The following STK11 variants were observed in gnomAD, a reference collection of about 807,000 sequenced individuals.
STK11 encodes serine/threonine kinase 11, also known as serine/threonine-protein kinase STK11.
Under a neutral mutation model 47.3 loss-of-function variants are expected in STK11, and 8 were observed. The ratio of observed to expected loss-of-function variants is 0.17; its 90% CI spans 0.10 to 0.31. STK11 has a LOEUF of 0.31. STK11 is among the 10% of genes least tolerant of loss of function. The pLI is 1.00. For missense variants in STK11, 475 were observed against 605.0 expected, an observed-to-expected ratio of 0.79 and a Z score of 2.25; for synonymous variants, 330 against 255.8, an observed-to-expected ratio of 1.29 and a Z score of -2.77.
In STK11 at chr19:1,228,202, G is replaced by A; in HGVS notation, c.*626G>A. On this transcript the variant is annotated 3_prime_UTR_variant, in exon 10 of 10. Transcript: ENST00000326873. ...GCTCTCGGGTCACCCTGCTTTGGCG[G>A]CCCGGCCGGAGGGCAGGACCCTCAC... 1.0e-6 allele frequency: 1 copy of A among 991,180 alleles called. No homozygotes were observed. The highest frequency in any genetic ancestry group is 1.2e-6 in the Non-Finnish European group (1 of 811,560). 61.4% of individuals were successfully genotyped at this position (991,180 alleles called of 1,614,324 possible). A position where few individuals can be genotyped will look rare whatever the true frequency, so the allele number is the denominator to read the frequency against.
In STK11 at chr19:1,206,836, G is replaced by A. The variant is rs2145404030; in HGVS notation, c.-78G>A. ...TTTTCTTTGTAAAATTTTGGAGAAGGGAAGTCGGAACACAAGGAAGGACCG... is the reference window on the plus strand; with the variant it reads ...TTTTCTTTGTAAAATTTTGGAGAAGAGAAGTCGGAACACAAGGAAGGACCG... On this transcript the variant is annotated 5_prime_UTR_variant, in exon 1 of 10. Transcript: ENST00000326873. 3 of 1,455,314 alleles carry A rather than the reference G, an allele frequency of 2.1e-6. No homozygotes were observed. Among genetic ancestry groups the A allele is most frequent in the Non-Finnish European group, 2.7e-6 (3 of 1,096,816 alleles). The allele number at this position is 1,455,314 out of a possible 1,614,324, so 90.2% of individuals were successfully genotyped here.
intron 8 of STK11, chr19:1,225,389 C>T (rs2145434326): frequency 1.2e-6 from 1 of 831,760 alleles, no homozygotes; most frequent in Non-Finnish European, 1.4e-6. Context: ...TCTGCCTCAG[C>T]CTCCTGAGTA....
rs1481762772 is a variant in STK11, at chr19:1,228,291, C to T, written c.*715C>T. The T allele has an allele frequency of 1.4e-5, 4 of 281,098 alleles. No individual in the cohort carries two copies. Among genetic ancestry groups the T allele is most frequent in the Non-Finnish European group, 1.8e-5 (3 of 162,308 alleles). The allele number at this position is 281,098 out of a possible 1,614,324, so 17.4% of individuals were successfully genotyped here. ...AAAACCCGGAGCAAGCAGGAGTGTGCGGTCAATATTTATATCATCCAGAAA... is the reference window on the plus strand; with the variant it reads ...AAAACCCGGAGCAAGCAGGAGTGTGTGGTCAATATTTATATCATCCAGAAA... On this transcript the variant is annotated 3_prime_UTR_variant, in exon 10 of 10. Coordinates refer to ENST00000326873, the MANE Select transcript of STK11 (RefSeq NM_000455.5).
intron 1 of STK11, among the ~76,000 whole-genome samples, chr19:1,211,875 A>C (rs905198824): frequency 6.6e-6 from 1 of 152,212 alleles, no homozygotes; most frequent in African/African-American, 2.4e-5. Flanking sequence ...GCTGGGAGTC[A>C]GTCCTGGACT....
At chr19:1,222,341 C>T (rs1172740126) in intron 7 of STK11, among the ~76,000 whole-genome samples, 1 of 152,216 alleles carries the variant, frequency 6.6e-6, no homozygotes, top group African/African-American at 2.4e-5. Context: ...CTCCCAGCAG[C>T]AGGGTGTGGC....
chr19:1,220,825 C>T (rs951234289), intron 5 of STK11, 108 bp downstream of exon 5: 9 of 1,462,938 alleles, frequency 6.2e-6, no homozygotes, highest in South Asian at 4.1e-5. Flanking sequence ...CCGGCCCAGA[C>T]CCTCTCTGGC....
intron 2 of STK11, among the ~76,000 whole-genome samples, chr19:1,218,718 G>C (rs777327060): frequency 6.6e-6 from 1 of 152,192 alleles, no homozygotes; most frequent in African/African-American, 2.4e-5. Context: ...TCTTGGGCCC[G>C]TGGGGTGTCA....
intron 8 of STK11, chr19:1,225,417 G>A (rs578222710): frequency 1.1e-4 from 86 of 769,896 alleles, no homozygotes; most frequent in Middle Eastern, 6.6e-4. Flanking sequence ...TTACAAGTGC[G>A]CGCCAGCATG....
At chr19:1,225,073 G>C in intron 8 of STK11, 1 of 986,042 alleles carries the variant, frequency 1.0e-6, no homozygotes, top group Non-Finnish European at 1.2e-6. Flanking sequence ...CCAACACCCA[G>C]ATCCCAGGGA....
chr19:1,226,556 C>T lies in STK11; in HGVS notation c.1211C>T (p.Ser404Phe), dbSNP rs200078204. The change falls in exon 9 of 10, where the codon TCC becomes TTC. Residue 404 changes from serine (S) to phenylalanine (F), a missense_variant. By Grantham distance (155) the Ser-to-Phe change is radical (BLOSUM62 -2). Transcript: ENST00000326873. ...GAGGCGGCGCAGCTGAGCACCAAATCCAGGGCGGAGGGCCGGGCCCCCAAC... is the reference window on the plus strand; with the variant it reads ...GAGGCGGCGCAGCTGAGCACCAAATTCAGGGCGGAGGGCCGGGCCCCCAAC... ...GTEAAQLSTK[S>F]RAEGRAPNPA... is the part of the protein sequence containing the mutation. 1,241 of 1,599,480 alleles carry T rather than the reference C, an allele frequency of 7.8e-4. 1 individual carries two copies. Among genetic ancestry groups the T allele is most frequent in the Middle Eastern group, 1.5e-3 (9 of 5,942 alleles).
intron 1 of STK11, among the ~76,000 whole-genome samples, chr19:1,215,603 T>G (rs1343552595): frequency 6.6e-6 from 1 of 152,232 alleles, no homozygotes; most frequent in Non-Finnish European, 1.5e-5. Context: ...CTTGGCCTTC[T>G]GAGGTTGCCC....
intron 1 of STK11, 51 bp downstream of exon 1, chr19:1,207,254 G>T: frequency 6.5e-7 from 1 of 1,545,756 alleles, no homozygotes; most frequent in Non-Finnish European, 8.7e-7. Flanking sequence ...TCACGGTGCT[G>T]ATGGTTCTGT....
chr19:1,210,623 A>G (rs2080703144), intron 1 of STK11, among the ~76,000 whole-genome samples: 1 of 152,258 alleles, frequency 6.6e-6, no homozygotes, highest in South Asian at 2.1e-4. Flanking sequence ...TAATCCCAGC[A>G]CTTTGGGAGG....
At position 1,206,801 on chromosome 19, in the gene STK11, T is replaced by TTTTTTTC; in HGVS notation, c.-102_-96dup. The TTTTTTTC allele has an allele frequency of 3.7e-6, 5 of 1,360,370 alleles. No homozygotes were observed. The highest frequency in any genetic ancestry group is 4.9e-6 in the Non-Finnish European group (5 of 1,025,788). The allele number at this position is 1,360,370 out of a possible 1,614,324, so 84.3% of individuals were successfully genotyped here. On this transcript the variant is annotated 5_prime_UTR_variant, in exon 1 of 10. Coordinates refer to ENST00000326873, the MANE Select transcript of STK11 (RefSeq NM_000455.5). ...TCCTTTTGGGGTTTTTGTTGCCTTT[T>TTTTTTTC]TTTTTTCTTTTTTCTTTGTAAAATT...
chr19:1,226,298 C>T, intron 8 of STK11, 156 bp from the exon 9 acceptor site: 1 of 1,450,318 alleles, frequency 6.9e-7, no homozygotes, highest in South Asian at 1.5e-5. Context: ...TGCTGGGGGG[C>T]AGCATTTCAG....
At chr19:1,211,469 G>T (rs568419953) in intron 1 of STK11, among the ~76,000 whole-genome samples, 2 of 152,070 alleles carry the variant, frequency 1.3e-5, no homozygotes, top group East Asian at 1.9e-4. Flanking sequence ...CTGGGGGGGG[G>T]GGTGCAGGCA....
chr19:1,222,136 C>A, intron 7 of STK11, 130 bp downstream of exon 7: 1 of 1,119,770 alleles, frequency 8.9e-7, no homozygotes, highest in Non-Finnish European at 1.3e-6. Flanking sequence ...CCCCGTGCAG[C>A]GCCCGCAGTT....
chr19:1,219,783 G>A (rs2080770078), intron 3 of STK11, among the ~76,000 whole-genome samples: 1 of 152,058 alleles, frequency 6.6e-6, no homozygotes, highest in Non-Finnish European at 1.5e-5. Context: ...CTGACCTCGT[G>A]ATCCGCCTGC....
Position 1,226,332 on chromosome 19 carries a change from C to CGG in STK11, c.1109-118_1109-117dup. On this transcript the variant is annotated intron_variant, in intron 8 of 9. Coordinates refer to ENST00000326873, the MANE Select transcript of STK11 (RefSeq NM_000455.5). ...AGGCTGGATACACCTGGGCCTGACC[C>CGG]GGGGGCGGGCATGGCCTGGGCAGCA... The CGG allele has an allele frequency of 2.0e-6, 3 of 1,495,780 alleles. No individual in the cohort carries two copies. In the South Asian group the frequency reaches 4.0e-5, roughly 20 times the overall value. 92.7% of individuals were successfully genotyped at this position (1,495,780 alleles called of 1,614,324 possible).
Sources: allele counts gnomAD v4.1 joint callset (sites outside exome capture counted in the v4.1 genomes callset), GRCh38; gene constraint gnomAD v4.1.1; transcripts MANE v1.5; gene names NCBI Gene and HGNC (gene_info 2026-07-23, HGNC 2026-07-21).